The following AHCYL1 variants were observed in gnomAD, a reference collection of about 807,000 sequenced individuals.
AHCYL1 encodes the protein adenosylhomocysteinase like 1.
A neutral mutation model predicts 79.3 loss-of-function variants in AHCYL1; 20 were observed. That is an observed-to-expected ratio of 0.25 (90% confidence interval 0.18 to 0.37). The LOEUF is 0.37. AHCYL1 is among the 10% of genes least tolerant of loss of function. AHCYL1 has a pLI of 1.00. For missense variants in AHCYL1, 330 were observed against 673.6 expected (o/e 0.49, Z 5.65); for synonymous variants, 223 against 242.2 (o/e 0.92, Z 0.74).
In AHCYL1 at chr1:110,011,207, G is replaced by C. The variant is rs1435017288; in HGVS notation, c.233-7G>C. ...TCTATCCTTGTTTTTTTCTTTCCTG[G>C]CTCTAGCTGCATCCTACACAGATAG... On this transcript the variant is annotated splice_polypyrimidine_tract_variant and splice_region_variant and intron_variant, in intron 2 of 16. Transcript: ENST00000369799. 1.2e-6 allele frequency: 2 copies of C among 1,609,826 alleles called. No individual in the cohort carries two copies. Among genetic ancestry groups the C allele is most frequent in the Non-Finnish European group, 1.7e-6 (2 of 1,178,750 alleles).
intron 7 of AHCYL1, 100 bp from the exon 8 acceptor site, chr1:110,016,244 C>A (rs1468842289): frequency 1.4e-6 from 1 of 726,946 alleles, no homozygotes; most frequent in Non-Finnish European, 2.3e-6. Context: ...CTGGGAAGGG[C>A]AGCATGGAAC....
intron 1 of AHCYL1, among the ~76,000 whole-genome samples, chr1:110,006,201 A>C (rs537059684): frequency 5.9e-5 from 9 of 152,160 alleles, no homozygotes; most frequent in Non-Finnish European, 1.0e-4. Context: ...GTTGTGGGTA[A>C]GGCTGTTTAT....
At chr1:110,008,870 G>T (rs1394943915) in intron 1 of AHCYL1, among the ~76,000 whole-genome samples, 164 bp from the exon 2 acceptor site, 1 of 152,156 alleles carries the variant, frequency 6.6e-6, no homozygotes, top group Non-Finnish European at 1.5e-5. Context: ...GGAGAAGTCA[G>T]AGAGTAGCCT....
intron 1 of AHCYL1, among the ~76,000 whole-genome samples, chr1:109,989,536 A>C (rs972403268): frequency 6.6e-5 from 10 of 152,256 alleles, no homozygotes; most frequent in Middle Eastern, 6.8e-3. Context: ...GTATTCTTGG[A>C]AAGTTGTCTA....
At chr1:110,014,979 T>A in intron 6 of AHCYL1, 122 bp downstream of exon 6, 3 of 897,468 alleles carry the variant, frequency 3.3e-6, no homozygotes, top group Non-Finnish European at 5.3e-6. Flanking sequence ...GTTGCTAAAG[T>A]GTTTAGCTTG....
At chr1:110,001,079 C>A in intron 1 of AHCYL1, 1 of 442,908 alleles carries the variant, frequency 2.3e-6, no homozygotes, top group Non-Finnish European at 3.0e-6. Flanking sequence ...GATGCTTGTT[C>A]TTTGTATGCC....
intron 1 of AHCYL1, among the ~76,000 whole-genome samples, chr1:109,987,068 C>T (rs1432685009): frequency 6.6e-6 from 1 of 152,122 alleles, no homozygotes; most frequent in Non-Finnish European, 1.5e-5. Context: ...TAAATGTGCC[C>T]CACCGTGTTT....
Position 110,019,529 on chromosome 1 carries a change from C to A in AHCYL1, c.1387-19C>A. 2 of 1,583,366 alleles carry A rather than the reference C, an allele frequency of 1.3e-6. No individual in the cohort carries two copies. Among genetic ancestry groups the A allele is most frequent in the Non-Finnish European group, 1.7e-6 (2 of 1,170,320 alleles). Reference sequence around the variant, plus strand: ...TAAGAAATATTTTTGTGCTTTCTGGCCTTCTTTTCCCACCTTAGGCTTTGG... The same window carrying A: ...TAAGAAATATTTTTGTGCTTTCTGGACTTCTTTTCCCACCTTAGGCTTTGG... On this transcript the variant is annotated intron_variant, in intron 14 of 16. Transcript: ENST00000369799.
intron 1 of AHCYL1, among the ~76,000 whole-genome samples, chr1:109,998,684 G>A (rs1002781452): frequency 6.6e-6 from 1 of 152,022 alleles, no homozygotes; most frequent in African/African-American, 2.4e-5. Flanking sequence ...CGCCATGTTG[G>A]CCAGGCTGGT....
chr1:109,990,240 G>A (rs999932217), intron 1 of AHCYL1, among the ~76,000 whole-genome samples: 1 of 152,222 alleles, frequency 6.6e-6, no homozygotes, highest in East Asian at 1.9e-4. Context: ...CATTCAACAA[G>A]TGACGTCCTT....
chr1:110,015,395 G>T (rs373997078), intron 6 of AHCYL1, 30 bp from the exon 7 acceptor site: 6 of 1,565,976 alleles, frequency 3.8e-6, no homozygotes, highest in Non-Finnish European at 5.3e-6. Flanking sequence ...CAGCCTGAAT[G>T]CCCATAGAAG....
At chr1:110,000,529 A>C (rs1477487951) in intron 1 of AHCYL1, among the ~76,000 whole-genome samples, 1 of 152,204 alleles carries the variant, frequency 6.6e-6, no homozygotes, top group African/African-American at 2.4e-5. Context: ...TTTTCTGAAA[A>C]TTAATAAAGG....
At chr1:110,000,968 A>T (rs1650278548) in intron 1 of AHCYL1, 1 of 984,980 alleles carries the variant, frequency 1.0e-6, no homozygotes, top group Admixed American at 6.1e-5. Flanking sequence ...GGCATTCAGG[A>T]TCTTGGTGTC....
At chr1:110,000,931 C>A in intron 1 of AHCYL1, 1 of 984,574 alleles carries the variant, frequency 1.0e-6, no homozygotes, top group Non-Finnish European at 1.2e-6. Flanking sequence ...GGTGTTGAGG[C>A]AAAGCACTTA....
rs748478207 is a variant in AHCYL1, at chr1:110,014,854, C to T, written c.672C>T (p.Asn224=). The T allele has an allele frequency of 1.2e-6, 2 of 1,613,570 alleles. No homozygotes were observed. The highest frequency in any genetic ancestry group is 4.5e-5 in the East Asian group (2 of 44,878). ...RCVNMDGWQA[N]MILDDGGDLT... ...TGAACATGGATGGGTGGCAGGCCAACATGGTAATAATGCATATACATCCTA... is the reference window on the plus strand; with the variant it reads ...TGAACATGGATGGGTGGCAGGCCAATATGGTAATAATGCATATACATCCTA... The change falls in exon 6 of 17, where the codon AAC becomes AAT. Residue 224 remains asparagine, a synonymous_variant. Coordinates refer to ENST00000369799, the MANE Select transcript of AHCYL1 (RefSeq NM_006621.7).
intron 1 of AHCYL1, among the ~76,000 whole-genome samples, chr1:109,993,691 A>G (rs1349794439): frequency 1.3e-5 from 2 of 152,232 alleles, no homozygotes; most frequent in East Asian, 3.8e-4. Flanking sequence ...AGACATCTGA[A>G]TATATGCCTC....
At chr1:110,001,082 T>C in intron 1 of AHCYL1, 1 of 442,916 alleles carries the variant, frequency 2.3e-6, no homozygotes, top group Non-Finnish European at 3.0e-6. Context: ...GCTTGTTCTT[T>C]GTATGCCAAG....
intron 11 of AHCYL1, 67 bp from the exon 12 acceptor site, chr1:110,018,306 C>T: frequency 2.0e-6 from 3 of 1,504,910 alleles, no homozygotes; most frequent in Middle Eastern, 3.4e-4. Flanking sequence ...CTATGTTCTA[C>T]CTGAAAGCCA....
In AHCYL1 at chr1:110,021,662, C is replaced by T; in HGVS notation, c.1587-12C>T. On this transcript the variant is annotated splice_polypyrimidine_tract_variant and intron_variant, in intron 16 of 16. Transcript: ENST00000369799. ...GACATAAGTGTTAACCAATCACTCTCTCTCTTTACAGATACTAATGGACCA... is the reference window on the plus strand; with the variant it reads ...GACATAAGTGTTAACCAATCACTCTTTCTCTTTACAGATACTAATGGACCA... The T allele has an allele frequency of 6.2e-7, 1 of 1,612,206 alleles. No homozygotes were observed. The highest frequency in any genetic ancestry group is 8.5e-7 in the Non-Finnish European group (1 of 1,178,750).
Sources: allele counts gnomAD v4.1 joint callset (sites outside exome capture counted in the v4.1 genomes callset), GRCh38; gene constraint gnomAD v4.1.1; transcripts MANE v1.5; gene names NCBI Gene and HGNC (gene_info 2026-07-23, HGNC 2026-07-21).